The following LRRTM4 variants were observed in gnomAD, a reference collection of about 807,000 sequenced individuals.
LRRTM4 encodes the protein leucine-rich repeat transmembrane neuronal protein 4.
LRRTM4 carries 25 observed loss-of-function variants against 47.6 expected under a neutral mutation model. The ratio of observed to expected loss-of-function variants is 0.53; its 90% CI spans 0.38 to 0.73. The LOEUF (loss-of-function observed/expected upper bound fraction) is 0.73, where lower values mean the gene tolerates loss of function less well. Among genes scored for constraint, LRRTM4 ranks in the 30% least tolerant of loss-of-function variants. The probability of loss-of-function intolerance (pLI) is 0.00; values close to 1 mark genes in which losing one functional copy is unlikely to be tolerated. For missense variants in LRRTM4, 638 were observed against 713.4 expected (o/e 0.89, Z 1.20); for synonymous variants, 311 against 269.5 (o/e 1.15, Z -1.51).
chr2:76,831,331 G>C (rs1193247680), intron 3 of LRRTM4, among the ~76,000 whole-genome samples: 1 of 152,166 alleles, frequency 6.6e-6, no homozygotes, highest in Non-Finnish European at 1.5e-5. Context: ...TCATTGGTGT[G>C]TGTGCGTGTG....
chr2:76,986,698 A>C (rs1676810893), intron 3 of LRRTM4, among the ~76,000 whole-genome samples: 1 of 151,882 alleles, frequency 6.6e-6, no homozygotes, highest in South Asian at 2.1e-4. Context: ...CAGGGAGAAA[A>C]CCTGAGCCGA....
intron 3 of LRRTM4, among the ~76,000 whole-genome samples, chr2:76,941,757 A>C (rs1164529986): frequency 6.6e-6 from 1 of 152,120 alleles, no homozygotes; most frequent in Admixed American, 6.6e-5. Flanking sequence ...ATTGTGAATA[A>C]TGCTGCAATA....
At chr2:77,498,506 C>A (rs900576281) in intron 3 of LRRTM4, among the ~76,000 whole-genome samples, 1 of 151,804 alleles carries the variant, frequency 6.6e-6, no homozygotes, top group African/African-American at 2.4e-5. Context: ...TTATTAAGAT[C>A]TCTTCCCTTC....
chr2:76,897,507 C>G (rs749610536), intron 3 of LRRTM4, among the ~76,000 whole-genome samples: 2 of 151,906 alleles, frequency 1.3e-5, no homozygotes, highest in Non-Finnish European at 2.9e-5. Flanking sequence ...ACAAATGTGC[C>G]TTTTATTAAT....
At chr2:76,816,819 GTTTTTTTTTTTTTTTTTTTT>G (rs201525166) in intron 3 of LRRTM4, among the ~76,000 whole-genome samples, 194 of 96,534 alleles carry the variant, frequency 2.0e-3, no homozygotes, top group Middle Eastern at 4.8e-3. Context: ...GAGGTAAAGA[GTTTTTTTTTTTTTTTTTTTT>G]TTTTTTTTTT....
intron 3 of LRRTM4, among the ~76,000 whole-genome samples, chr2:77,417,793 T>G (rs545699963): frequency 3.5e-4 from 53 of 152,050 alleles, no homozygotes; most frequent in South Asian, 1.2e-3. Flanking sequence ...AATAGCATTT[T>G]GAGATATACC....
intron 3 of LRRTM4, among the ~76,000 whole-genome samples, chr2:77,184,184 CAAT>C (rs923950467): frequency 1.3e-5 from 2 of 151,704 alleles, no homozygotes; most frequent in Non-Finnish European, 2.9e-5. Flanking sequence ...AATATTTCAA[CAAT>C]ATTTTTAATG....
intron 3 of LRRTM4, among the ~76,000 whole-genome samples, chr2:76,789,980 C>G (rs1430323737): frequency 1.3e-5 from 2 of 152,096 alleles, no homozygotes; most frequent in Non-Finnish European, 2.9e-5. Flanking sequence ...GATGAGTTGC[C>G]TGAGGTGTGT....
chr2:76,895,408 A>C (rs1673380026), intron 3 of LRRTM4, among the ~76,000 whole-genome samples: 1 of 152,080 alleles, frequency 6.6e-6, no homozygotes, highest in Admixed American at 6.6e-5. Flanking sequence ...AAAATTTGTA[A>C]ATCAAGCTCA....
chr2:77,004,196 CA>C (rs1343995194), intron 3 of LRRTM4, among the ~76,000 whole-genome samples: 1 of 152,136 alleles, frequency 6.6e-6, no homozygotes, highest in African/African-American at 2.4e-5. Flanking sequence ...GCATAAGCAA[CA>C]AGGAGCCAAA....
chr2:77,144,966 A>G (rs1376603042), intron 3 of LRRTM4, among the ~76,000 whole-genome samples: 3 of 152,186 alleles, frequency 2.0e-5, no homozygotes, highest in Non-Finnish European at 4.4e-5. Flanking sequence ...ATAAAAACAC[A>G]GTTGGAGAAA....
At chr2:77,030,185 C>A (rs1316271834) in intron 3 of LRRTM4, among the ~76,000 whole-genome samples, 1 of 152,310 alleles carries the variant, frequency 6.6e-6, no homozygotes, top group East Asian at 1.9e-4. Context: ...GTAATCCCAG[C>A]ACTTTGGGAG....
At chr2:77,456,518 T>TTCTCTCCAACATGCTCATTC (rs956230314) in intron 3 of LRRTM4, among the ~76,000 whole-genome samples, 1 of 152,094 alleles carries the variant, frequency 6.6e-6, no homozygotes, top group Non-Finnish European at 1.5e-5. Context: ...TTTATCCTTA[T>TTCTCTCCAACATGCTCATTC]TCTCTCCAAC....
chr2:76,908,349 C>G (rs371275417), intron 3 of LRRTM4, among the ~76,000 whole-genome samples: 1 of 151,902 alleles, frequency 6.6e-6, no homozygotes, highest in Non-Finnish European at 1.5e-5. Context: ...ATCTCAAAAT[C>G]ATAAGAGCTA....
At chr2:77,101,319 TA>T (rs1236982342) in intron 3 of LRRTM4, among the ~76,000 whole-genome samples, 2 of 152,168 alleles carry the variant, frequency 1.3e-5, no homozygotes, top group Non-Finnish European at 2.9e-5. Context: ...ATCTGAGGAA[TA>T]ATTATATTCT....
intron 3 of LRRTM4, among the ~76,000 whole-genome samples, chr2:76,996,587 T>C (rs1573423312): frequency 6.6e-6 from 1 of 152,222 alleles, no homozygotes; most frequent in East Asian, 1.9e-4. Flanking sequence ...AAAGCTGCAC[T>C]AATTCTTAAG....
At position 76,927,129 on chromosome 2, in the gene LRRTM4, A is replaced by G. The variant is rs1240765140; in HGVS notation, c.1552-178213T>C. Among the ~76,000 whole-genome samples the G allele has an allele frequency of 2.0e-5, 3 of 152,040 alleles. No individual in the cohort carries two copies. In the South Asian group the frequency reaches 6.2e-4, roughly 32 times the overall value. ...ACTTATGTTCATGCATTTGGTGTGG[A>G]TCTCTATAGAGATCTTCATCAGTGA... is the stretch of plus-strand genomic sequence containing the variant. On this transcript the variant is annotated intron_variant, in intron 3 of 3. Transcript: ENST00000409884.
Position 76,903,428 on chromosome 2 carries a change from C to T in LRRTM4, c.1552-154512G>A, listed in dbSNP as rs530465963. Among the ~76,000 whole-genome samples, 8 of 151,608 alleles carry T rather than the reference C, an allele frequency of 5.3e-5. No individual in the cohort carries two copies. In the South Asian group the frequency reaches 1.2e-3, roughly 24 times the overall value. On this transcript the variant is annotated intron_variant, in intron 3 of 3. Transcript: ENST00000409884. ...GCGGGCGCCTGTAGTCCCAGCTACT[C>T]GGGAGGCTGAGGCAGGAGAAAGGCA...
chr2:76,974,183 CATACATATATATACAT>C (rs1558771526), intron 3 of LRRTM4, among the ~76,000 whole-genome samples: 2 of 102,434 alleles, frequency 2.0e-5, no homozygotes, highest in African/African-American at 1.0e-4. Flanking sequence ...CATATATATA[CATACATATATATACAT>C]ATATATATAT....
Sources: gnomAD v4.1 joint callset for allele counts (sites outside exome capture counted in the v4.1 genomes callset) on GRCh38, gnomAD v4.1.1 for gene constraint, MANE v1.5 for transcripts, NCBI Gene and HGNC (gene_info 2026-07-23, HGNC 2026-07-21) for gene names.